TRPS1: variants seen among roughly 807,000 people sequenced by gnomAD.
TRPS1 encodes the protein transcriptional repressor GATA binding 1.
In TRPS1, 6 loss-of-function variants were observed where a neutral mutation model predicts 101.2. The ratio of observed to expected loss-of-function variants is 0.06; its 90% confidence interval spans 0.03 to 0.12. The LOEUF is 0.12. Ranked by LOEUF, TRPS1 falls within the 10% of genes least tolerant of loss-of-function variation. The pLI, the probability that TRPS1 is intolerant of heterozygous loss-of-function variation, is 1.00. For missense variants in TRPS1, 1,363 were observed against 1,567.0 expected (o/e 0.87, Z 2.20); for synonymous variants, 578 against 589.8 (o/e 0.98, Z 0.29).
chr8:115,494,924 C>A (rs922363456), intron 5 of TRPS1, among the ~76,000 whole-genome samples: 1 of 152,144 alleles, frequency 6.6e-6, no homozygotes, highest in African/African-American at 2.4e-5. Context: ...TCATCCCACT[C>A]GGAGTGGAAC....
chr8:115,573,819 G>A (rs1817259958), intron 5 of TRPS1, among the ~76,000 whole-genome samples: 1 of 152,046 alleles, frequency 6.6e-6, no homozygotes, highest in Non-Finnish European at 1.5e-5. Context: ...CCTATATCCT[G>A]AAAATGCCCC....
intron 3 of TRPS1, among the ~76,000 whole-genome samples, chr8:115,613,284 T>C (rs1818210307): frequency 6.6e-6 from 1 of 152,142 alleles, no homozygotes; most frequent in African/African-American, 2.4e-5. Flanking sequence ...AGTCAGCAAA[T>C]TTAATTTTCT....
At chr8:115,504,965 A>T (rs558647553) in intron 5 of TRPS1, among the ~76,000 whole-genome samples, 1 of 152,154 alleles carries the variant, frequency 6.6e-6, no homozygotes, top group South Asian at 2.1e-4. Context: ...CATTTTTATA[A>T]GGCACAGCAT....
At chr8:115,492,040 C>G in intron 5 of TRPS1, 1 of 369,694 alleles carries the variant, frequency 2.7e-6, no homozygotes, top group Non-Finnish European at 5.3e-6. Flanking sequence ...CTTTTAATTT[C>G]AAACTAACTC....
chr8:115,534,049 C>T (rs1816217824), intron 5 of TRPS1, among the ~76,000 whole-genome samples: 1 of 147,282 alleles, frequency 6.8e-6, no homozygotes, highest in Non-Finnish European at 1.5e-5. Flanking sequence ...CTAACCACCA[C>T]CACTGGGGAT....
intron 2 of TRPS1, among the ~76,000 whole-genome samples, chr8:115,622,448 G>A (rs959427690): frequency 2.0e-5 from 3 of 152,124 alleles, no homozygotes; most frequent in Non-Finnish European, 4.4e-5. Flanking sequence ...AGCAAAATAT[G>A]CATGGTTTTA....
intron 1 of TRPS1, among the ~76,000 whole-genome samples, chr8:115,661,851 A>G (rs897675143): frequency 6.6e-6 from 1 of 151,626 alleles, no homozygotes; most frequent in Admixed American, 6.6e-5. Context: ...CTGCAACTCT[A>G]AACACCTCCC....
At chr8:115,533,438 T>TTTTTTG (rs1816190819) in intron 5 of TRPS1, among the ~76,000 whole-genome samples, 1 of 118,418 alleles carries the variant, frequency 8.4e-6, no homozygotes, top group African/African-American at 3.9e-5. Context: ...TGTAATCTGT[T>TTTTTTG]TTTTTTTTTT....
At chr8:115,663,199 G>A (rs2130633399) in intron 1 of TRPS1, among the ~76,000 whole-genome samples, 1 of 150,766 alleles carries the variant, frequency 6.6e-6, no homozygotes, top group East Asian at 1.9e-4. Context: ...AAAAATAACT[G>A]CATCAACAGA....
Position 115,604,832 on chromosome 8 carries a change from G to A in TRPS1, c.1137C>T (p.Leu379=), listed in dbSNP as rs979838064. 4 of 1,614,108 alleles carry A rather than the reference G, an allele frequency of 2.5e-6. No homozygotes were observed. Among genetic ancestry groups the A allele is most frequent in the Non-Finnish European group, 3.4e-6 (4 of 1,179,994 alleles). Residue 379 remains leucine (L), a synonymous_variant, in exon 4 of 7, where the codon CTC becomes CTT. Coordinates refer to ENST00000395715, the MANE Select transcript of TRPS1 (RefSeq NM_014112.5). This position sits in a 1 kb window ranked among gnomAD's most constrained non-coding sequence, Gnocchi z 4.1. ...AAGGTTTTGCAACCTCAGAGGAGGG[G>A]AGAGAAGCTTTTATTTTGTTTGGGT... ...QTHPNKIKAS[L]PSSEVAKPSE...
intron 5 of TRPS1, among the ~76,000 whole-genome samples, chr8:115,427,537 CTGCTGAAT>C (rs2129812348): frequency 6.6e-6 from 1 of 152,190 alleles, no homozygotes; most frequent in Admixed American, 6.5e-5. Context: ...CAATTTGCAA[CTGCTGAAT>C]AGTAGGGCTA....
At chr8:115,668,466 C>A (rs1171311464) in intron 1 of TRPS1, 79 bp downstream of exon 1, 1 of 145,442 alleles carries the variant, frequency 6.9e-6, no homozygotes, top group East Asian at 2.0e-4. Context: ...GCGCCCCGGG[C>A]CCGGCCGAGG....
chr8:115,474,363 A>G (rs1406893966), intron 5 of TRPS1, among the ~76,000 whole-genome samples: 2 of 152,068 alleles, frequency 1.3e-5, no homozygotes, highest in South Asian at 4.1e-4. Flanking sequence ...CACTGAGACC[A>G]TGAGAAAATT....
In TRPS1 at chr8:115,508,139, T is replaced by G. The variant is rs959664218; in HGVS notation, c.2700+78862A>C. 1.4e-4 allele frequency among the ~76,000 whole-genome samples: 22 copies of G among 152,258 alleles called. 1 individual carries two copies. The highest frequency in any genetic ancestry group is 4.8e-4 in the African/African-American group (20 of 41,574). ...CCAGTTCATGTAGAAATTTAGTTCA[T>G]GTAGAAATTAGTGCATGTTCAAAAT... On this transcript the variant is annotated intron_variant, in intron 5 of 6. Transcript: ENST00000395715.
intron 5 of TRPS1, among the ~76,000 whole-genome samples, chr8:115,515,962 T>C (rs1177151386): frequency 6.6e-6 from 1 of 151,462 alleles, no homozygotes; most frequent in Non-Finnish European, 1.5e-5. Context: ...CCCAATGATG[T>C]TGTGCAGGAC....
intron 5 of TRPS1, among the ~76,000 whole-genome samples, chr8:115,550,024 T>C (rs972251677): frequency 2.0e-5 from 3 of 152,180 alleles, no homozygotes; most frequent in Non-Finnish European, 4.4e-5. Context: ...GAGACCAGCC[T>C]GACCAACATG....
At chr8:115,625,969 A>G (rs1279300095) in intron 1 of TRPS1, among the ~76,000 whole-genome samples, 1 of 151,906 alleles carries the variant, frequency 6.6e-6, no homozygotes, top group African/African-American at 2.4e-5. Context: ...GCTTAACACA[A>G]AAAGAAAAGT....
At chr8:115,429,503 C>T (rs1813268937) in intron 5 of TRPS1, among the ~76,000 whole-genome samples, 1 of 152,164 alleles carries the variant, frequency 6.6e-6, no homozygotes, top group Non-Finnish European at 1.5e-5. Flanking sequence ...ATTAATCACA[C>T]TATATCGCAT....
At chr8:115,574,514 A>G (rs1395292134) in intron 5 of TRPS1, among the ~76,000 whole-genome samples, 1 of 152,156 alleles carries the variant, frequency 6.6e-6, no homozygotes, top group African/African-American at 2.4e-5. Context: ...AAGAGACAGG[A>G]CATAGAATAG....
Sources: allele counts gnomAD v4.1 joint callset (sites outside exome capture counted in the v4.1 genomes callset), GRCh38; gene constraint gnomAD v4.1.1; non-coding constraint Gnocchi (gnomAD v3.1); transcripts MANE v1.5; gene names NCBI Gene and HGNC (gene_info 2026-07-23, HGNC 2026-07-21).